STRN: variants seen among roughly 807,000 people sequenced by gnomAD.
STRN encodes the protein striatin.
A neutral mutation model predicts 96.3 loss-of-function variants in STRN; 53 were observed. The observed-to-expected ratio is 0.55, with a 90% confidence interval of 0.44 to 0.69. The LOEUF is 0.69. Ranked by LOEUF, STRN falls within the 30% of genes least tolerant of loss-of-function variation. The probability of loss-of-function intolerance (pLI) is 0.00; values close to 1 mark genes in which losing one functional copy is unlikely to be tolerated. For missense variants in STRN, 987 were observed against 963.9 expected (o/e 1.02, Z -0.32); for synonymous variants, 428 against 355.9 (o/e 1.20, Z -2.28).
At chr2:36,858,776 CA>C (rs1177826906) in intron 13 of STRN, among the ~76,000 whole-genome samples, 1 of 152,210 alleles carries the variant, frequency 6.6e-6, no homozygotes, top group African/African-American at 2.4e-5. Context: ...ATTGAAGACA[CA>C]CTGTGTGTCA....
chr2:36,843,809 TAC>T lies in STRN; in HGVS notation c.*5645_*5646del, dbSNP rs1166420005. The T allele has an allele frequency of 6.6e-6, 1 of 152,200 alleles. No homozygotes were observed. The highest frequency in any genetic ancestry group is 1.5e-5 in the Non-Finnish European group (1 of 68,030). 9.4% of individuals were successfully genotyped at this position (152,200 alleles called of 1,614,324 possible). A position where few individuals can be genotyped will look rare whatever the true frequency, so the allele number is the denominator to read the frequency against. On this transcript the variant is annotated 3_prime_UTR_variant, in exon 18 of 18. Transcript: ENST00000263918. ...ACCTATAGCATGTTATCTATATTTG[TAC>T]ACTTTATTTAAAAACAAATAATACA...
At chr2:36,943,861 A>C (rs1051701276) in intron 1 of STRN, among the ~76,000 whole-genome samples, 8 of 152,156 alleles carry the variant, frequency 5.3e-5, no homozygotes, top group Non-Finnish European at 8.8e-5. Flanking sequence ...TCACACCTAT[A>C]ATCCTAGCAC....
At position 36,935,626 on chromosome 2, in the gene STRN, T is replaced by A. The variant is rs1432854782; in HGVS notation, c.235-10418A>T. Reference sequence around the variant, plus strand: ...GTGCCTACTAAGTGCTTCCCACTTGTATTGAGGACACAACAAAAAGCGGAT... The same window carrying A: ...GTGCCTACTAAGTGCTTCCCACTTGAATTGAGGACACAACAAAAAGCGGAT... On this transcript the variant is annotated intron_variant, in intron 1 of 17. Transcript: ENST00000263918. 2.0e-5 allele frequency among the ~76,000 whole-genome samples: 3 copies of A among 152,260 alleles called. No homozygotes were observed. The East Asian group carries it at 5.8e-4, about 29-fold the overall frequency.
chr2:36,868,936 T>C (rs567257454), intron 11 of STRN, among the ~76,000 whole-genome samples: 6 of 150,374 alleles, frequency 4.0e-5, no homozygotes, highest in Non-Finnish European at 7.4e-5. Flanking sequence ...CCCAAGCAAG[T>C]AGAACCAGAT....
intron 6 of STRN, among the ~76,000 whole-genome samples, chr2:36,897,447 T>TC (rs1669572509): frequency 6.6e-6 from 1 of 150,396 alleles, no homozygotes; most frequent in Non-Finnish European, 1.5e-5. Flanking sequence ...ATATATATAT[T>TC]TTTTTTTTGA....
At chr2:36,952,655 C>T (rs1033964884) in intron 1 of STRN, among the ~76,000 whole-genome samples, 4 of 152,116 alleles carry the variant, frequency 2.6e-5, no homozygotes, top group African/African-American at 9.7e-5. Flanking sequence ...GTACCTGGCA[C>T]ACAGAAAATG....
chr2:36,966,173 G>T (rs2148288120), intron 1 of STRN, 57 bp downstream of exon 1: 6 of 1,428,782 alleles, frequency 4.2e-6, no homozygotes, highest in East Asian at 6.0e-5. Flanking sequence ...GGTCCGGGGC[G>T]GGGCGGAAGG....
chr2:36,934,183 G>C (rs1670645250), intron 1 of STRN, among the ~76,000 whole-genome samples: 1 of 152,080 alleles, frequency 6.6e-6, no homozygotes, highest in Admixed American at 6.6e-5. Context: ...AAAAATGTAA[G>C]GACTAAGAAA....
chr2:36,886,726 CT>C lies in STRN; in HGVS notation c.1031del (p.Lys344ArgfsTer3), dbSNP rs1346803908. Reference protein sequence around the residue: ...EQYKKERKGKKGVKRPNRSKL... With the variant: ...EQYKKERKGKXGVKRPNRSKL... ...ATGTTTTCCACTTACTCTTCACCCC[CT>C]TTTTCCCCTTTCTCTCCTTTTTGTA... On this transcript the variant is annotated frameshift_variant, in exon 8 of 18. Coordinates refer to ENST00000263918, the MANE Select transcript of STRN (RefSeq NM_003162.4). LOFTEE classifies it high-confidence loss of function. 8 of 1,609,734 alleles carry C rather than the reference CT, an allele frequency of 5.0e-6. No individual in the cohort carries two copies. The highest frequency in any genetic ancestry group is 1.7e-5 in the Admixed American group (1 of 59,686).
Position 36,928,133 on chromosome 2 carries a change from T to C in STRN, c.235-2925A>G, listed in dbSNP as rs561162670. Among the ~76,000 whole-genome samples the C allele has an allele frequency of 6.6e-5, 10 of 150,596 alleles. No homozygotes were observed. The South Asian group carries it at 2.1e-3, about 31-fold the overall frequency. ...AACAGTCTTAAAACACATTCCTACA[T>C]AAAAAAAAACGAATTCCTTCTGTAA... is the stretch of plus-strand genomic sequence containing the variant. On this transcript the variant is annotated intron_variant, in intron 1 of 17. Coordinates refer to ENST00000263918, the MANE Select transcript of STRN (RefSeq NM_003162.4).
At chr2:36,884,202 G>T in intron 8 of STRN, 127 bp from the exon 9 acceptor site, 1 of 820,086 alleles carries the variant, frequency 1.2e-6, no homozygotes. Context: ...TATTCTACTA[G>T]ATTAATAAGA....
rs761920109 is a variant in STRN, at chr2:36,867,785, T to A, written c.1547+29A>T. The A allele has an allele frequency of 1.2e-5, 17 of 1,452,548 alleles. No homozygotes were observed. The East Asian group carries it at 3.6e-4, about 31-fold the overall frequency. 90.0% of individuals were successfully genotyped at this position (1,452,548 alleles called of 1,614,324 possible). A position where few individuals can be genotyped will look rare whatever the true frequency, so the allele number is the denominator to read the frequency against. On this transcript the variant is annotated intron_variant, in intron 12 of 17. Coordinates refer to ENST00000263918, the MANE Select transcript of STRN (RefSeq NM_003162.4). ...CCAGGCTATTTTACAGAGATATCGG[T>A]TTAAAATAAAGAAAAAACATATACT...
At chr2:36,889,062 C>A (rs1461378308) in intron 7 of STRN, among the ~76,000 whole-genome samples, 1 of 152,120 alleles carries the variant, frequency 6.6e-6, no homozygotes, top group Non-Finnish European at 1.5e-5. Flanking sequence ...TTACTCTGTA[C>A]TTTTTCTACT....
At chr2:36,860,789 C>A (rs997098696) in intron 13 of STRN, among the ~76,000 whole-genome samples, 1 of 151,968 alleles carries the variant, frequency 6.6e-6, no homozygotes, top group African/African-American at 2.4e-5. Flanking sequence ...AGTTGTTTGA[C>A]AAGAATAATG....
chr2:36,902,513 A>C, intron 5 of STRN, 71 bp downstream of exon 5: 1 of 1,245,722 alleles, frequency 8.0e-7, no homozygotes, highest in South Asian at 1.9e-5. Flanking sequence ...AGTACAAGTA[A>C]TGTCCATAAA....
At chr2:36,857,366 C>A (rs1218348603) in intron 14 of STRN, among the ~76,000 whole-genome samples, 1 of 152,020 alleles carries the variant, frequency 6.6e-6, no homozygotes, top group Non-Finnish European at 1.5e-5. Flanking sequence ...TGTTCTTTCA[C>A]CAAAAACTAT....
At chr2:36,957,736 C>CTTTTT (rs1470880818) in intron 1 of STRN, among the ~76,000 whole-genome samples, 3 of 96,292 alleles carry the variant, frequency 3.1e-5, no homozygotes, top group Non-Finnish European at 4.5e-5. Context: ...CATAGTTCTT[C>CTTTTT]TTTTTGTCTT....
At chr2:36,850,800 A>G (rs1269415667) in intron 16 of STRN, among the ~76,000 whole-genome samples, 200 bp downstream of exon 16, 1 of 152,184 alleles carries the variant, frequency 6.6e-6, no homozygotes, top group African/African-American at 2.4e-5. Flanking sequence ...TAAATAAACC[A>G]AAATGATTCT....
chr2:36,924,637 CATA>C (rs761506108), intron 2 of STRN, among the ~76,000 whole-genome samples: 1 of 152,104 alleles, frequency 6.6e-6, no homozygotes, highest in Non-Finnish European at 1.5e-5. Flanking sequence ...TTAAACTATT[CATA>C]ATAAAATTAA....
Sources: allele counts gnomAD v4.1 joint callset (sites outside exome capture counted in the v4.1 genomes callset), GRCh38; gene constraint gnomAD v4.1.1; transcripts MANE v1.5; gene names NCBI Gene and HGNC (gene_info 2026-07-23, HGNC 2026-07-21).